PHACTR2: variants seen among roughly 807,000 people sequenced by gnomAD.
PHACTR2 encodes the protein chromosome 6 open reading frame 56.
PHACTR2 carries 30 observed loss-of-function variants against 76.0 expected under a neutral mutation model. The ratio of observed to expected loss-of-function variants is 0.39; its 90% CI spans 0.30 to 0.54. The LOEUF (loss-of-function observed/expected upper bound fraction) is 0.54. PHACTR2 is among the 20% of genes least tolerant of loss of function. The pLI, the probability that PHACTR2 is intolerant of heterozygous loss-of-function variation, is 0.61. For missense variants in PHACTR2, 696 were observed against 781.1 expected (o/e 0.89, Z 1.30); for synonymous variants, 292 against 292.5 (o/e 1.00, Z 0.02).
chr6:143,678,008 C>A lies in PHACTR2; in HGVS notation c.-156C>A. 2 of 1,467,444 alleles carry A rather than the reference C, an allele frequency of 1.4e-6. No individual in the cohort carries two copies. Among genetic ancestry groups the A allele is most frequent in the Non-Finnish European group, 1.8e-6 (2 of 1,105,296 alleles). 90.9% of individuals were successfully genotyped at this position (1,467,444 alleles called of 1,614,324 possible). A position where few individuals can be genotyped will look rare whatever the true frequency, so the allele number is the denominator to read the frequency against. ...GCCGCGCCGGCTGCGGCCGGCCGGG[C>A]TGGGAGACCCGCGCGGGGTAGAAGG... On this transcript the variant is annotated 5_prime_UTR_variant, in exon 1 of 13. It adds an upstream start codon to the 5' untranslated region. Coordinates refer to ENST00000440869, the MANE Select transcript of PHACTR2 (RefSeq NM_001100164.2). The surrounding 1 kb of genome is among the most constrained non-coding windows in gnomAD (Gnocchi z 6.2).
rs1226148326 is a variant in PHACTR2, at chr6:143,761,416, T to C, written c.694+776T>C. Among the ~76,000 whole-genome samples, 1 of 152,128 alleles carries C rather than the reference T, an allele frequency of 6.6e-6. No homozygotes were observed. The highest frequency in any genetic ancestry group is 1.5e-5 in the Non-Finnish European group (1 of 68,028). ...AAAGTGGAAACTCCCATTTTTTTAG[T>C]GAAGAGGAAGAAAGATGCCTACCAT... On this transcript the variant is annotated intron_variant, in intron 5 of 12. Coordinates refer to ENST00000440869, the MANE Select transcript of PHACTR2 (RefSeq NM_001100164.2). The surrounding 1 kb of genome is among the most constrained non-coding windows in gnomAD (Gnocchi z 5.2).
rs1225779654 is a variant in PHACTR2 at position 143,738,782 on chromosome 6, G to GAAAA, written c.215-10202_215-10199dup. The stretch of plus-strand genomic sequence containing the variant: ...AAAAAAAAAGAAAGAAAGAAAGAAA[G>GAAAA]AAAATTAAATGAATGGAAATGTCTT... On this transcript the variant is annotated intron_variant, in intron 2 of 12. Transcript: ENST00000440869. This position sits in a 1 kb window ranked among gnomAD's most constrained non-coding sequence, Gnocchi z 4.0. 1.4e-4 allele frequency among the ~76,000 whole-genome samples: 22 copies of GAAAA among 151,848 alleles called. No homozygotes were observed. The highest frequency in any genetic ancestry group is 5.1e-4 in the African/African-American group (21 of 41,342).
chr6:143,812,647 A>T (rs1776203800), intron 12 of PHACTR2, among the ~76,000 whole-genome samples: 2 of 152,246 alleles, frequency 1.3e-5, no homozygotes, highest in African/African-American at 2.4e-5. Flanking sequence ...TGGTCCCCAC[A>T]AGAAGTCATC....
At position 143,617,218 on chromosome 6, in the gene PHACTR2, G is replaced by A. The variant is rs906287919; in HGVS notation, c.13+8896G>A. On this transcript the variant is annotated intron_variant, in intron 1 of 11. Transcript: ENST00000305766. The surrounding 1 kb of genome is among the most constrained non-coding windows in gnomAD (Gnocchi z 4.8). ...CCCAGCACATATCCCATCTTACAACGTCTTCCCAACTGGTCTCCAAGCCCT... is the reference window on the plus strand; with the variant it reads ...CCCAGCACATATCCCATCTTACAACATCTTCCCAACTGGTCTCCAAGCCCT... Among the ~76,000 whole-genome samples, 3 of 152,272 alleles carry A rather than the reference G, an allele frequency of 2.0e-5. No individual in the cohort carries two copies. Among genetic ancestry groups the A allele is most frequent in the Middle Eastern group, 3.4e-3 (1 of 294 alleles).
Position 143,765,167 on chromosome 6 carries a change from C to T in PHACTR2, c.695-94C>T. The stretch of plus-strand genomic sequence containing the variant: ...TTTATTCAACAAACTTTAAAGGGAA[C>T]ATTTTAAATGTTGTTGACAGTTACA... On this transcript the variant is annotated intron_variant, in intron 5 of 12. Coordinates refer to ENST00000440869, the MANE Select transcript of PHACTR2 (RefSeq NM_001100164.2). The surrounding 1 kb of genome is among the most constrained non-coding windows in gnomAD (Gnocchi z 4.1). The T allele has an allele frequency of 1.0e-6, 1 of 961,320 alleles. No individual in the cohort carries two copies. The highest frequency in any genetic ancestry group is 2.3e-5 in the Admixed American group (1 of 43,386). The allele number at this position is 961,320 out of a possible 1,614,324, so 59.5% of individuals were successfully genotyped here.
rs1775246338 is a variant in PHACTR2, at chr6:143,775,275, C to A, written c.1589+1060C>A. Reference sequence around the variant, plus strand: ...ACCTCGGGGGAGGCTTAGAGGGTCTCTCTGTTCTGTAAACCCTCTTGCGAC... The same window carrying A: ...ACCTCGGGGGAGGCTTAGAGGGTCTATCTGTTCTGTAAACCCTCTTGCGAC... On this transcript the variant is annotated intron_variant, in intron 8 of 12. Transcript: ENST00000440869. The surrounding 1 kb of genome is among the most constrained non-coding windows in gnomAD (Gnocchi z 4.4). Among the ~76,000 whole-genome samples, 1 of 152,272 alleles carries A rather than the reference C, an allele frequency of 6.6e-6. No homozygotes were observed. The highest frequency in any genetic ancestry group is 2.4e-5 in the African/African-American group (1 of 41,550).
rs569307756 is a variant in PHACTR2 at position 143,688,390 on chromosome 6, C to T, written c.46+10181C>T. ...TAGGGTCTCACCCAACTCTCAACTCCCAGAGTTACCCAGTTTGTGTCTGCA... is the reference window on the plus strand; with the variant it reads ...TAGGGTCTCACCCAACTCTCAACTCTCAGAGTTACCCAGTTTGTGTCTGCA... On this transcript the variant is annotated intron_variant, in intron 1 of 12. Coordinates refer to ENST00000440869, the MANE Select transcript of PHACTR2 (RefSeq NM_001100164.2). This position sits in a 1 kb window ranked among gnomAD's most constrained non-coding sequence, Gnocchi z 5.2. 1.7e-4 allele frequency among the ~76,000 whole-genome samples: 26 copies of T among 152,016 alleles called. No homozygotes were observed. The highest frequency in any genetic ancestry group is 3.7e-4 in the Non-Finnish European group (25 of 68,010).
intron 6 of PHACTR2, among the ~76,000 whole-genome samples, chr6:143,769,621 G>T (rs1775043043): frequency 6.6e-6 from 1 of 152,022 alleles, no homozygotes; most frequent in African/African-American, 2.4e-5. Flanking sequence ...CTTGTAAATT[G>T]TAGATGTATG....
chr6:143,812,437 T>C (rs1776197084), intron 12 of PHACTR2, among the ~76,000 whole-genome samples: 4 of 152,248 alleles, frequency 2.6e-5, no homozygotes, highest in Non-Finnish European at 1.5e-5. Context: ...ATATTAATTG[T>C]GACACTTCCA....
rs1776890946 is a variant in PHACTR2 at position 143,658,572 on chromosome 6, T to C, written c.13+50250T>C. On this transcript the variant is annotated intron_variant, in intron 1 of 11. Coordinates refer to the PHACTR2 transcript ENST00000305766. This position sits in a 1 kb window ranked among gnomAD's most constrained non-coding sequence, Gnocchi z 4.1. ...CTACTATACAACCTAGGCTGTATGG[T>C]ATAGCTTATTTCTCCCAAGCTACAA... 6.6e-6 allele frequency among the ~76,000 whole-genome samples: 1 copy of C among 152,234 alleles called. No homozygotes were observed. Among genetic ancestry groups the C allele is most frequent in the Non-Finnish European group, 1.5e-5 (1 of 68,046 alleles).
Position 143,803,761 on chromosome 6 carries a change from A to G in PHACTR2, c.1846-3296A>G, listed in dbSNP as rs1367512397. On this transcript the variant is annotated intron_variant, in intron 11 of 12. Transcript: ENST00000440869. This position sits in a 1 kb window ranked among gnomAD's most constrained non-coding sequence, Gnocchi z 4.7. Reference sequence around the variant, plus strand: ...TAGAGAAATACTGTATTTTGTAAATAGGAATACCACTACTAAAACCATAAT... The same window carrying G: ...TAGAGAAATACTGTATTTTGTAAATGGGAATACCACTACTAAAACCATAAT... Among the ~76,000 whole-genome samples the G allele has an allele frequency of 1.3e-5, 2 of 152,234 alleles. No homozygotes were observed. Among genetic ancestry groups the G allele is most frequent in the Non-Finnish European group, 2.9e-5 (2 of 68,032 alleles).
At position 143,583,934 on chromosome 6, in the gene PHACTR2, T is replaced by C. The variant is rs192585712; in HGVS notation, c.217+46727T>C. ...TATTTATCTCTACACTTTTTCTTCC[T>C]AGCACTGTGTCTAGCACTCAGGATA... On this transcript the variant is annotated intron_variant, in intron 1 of 11. Coordinates refer to the PHACTR2 transcript ENST00000367584. This position sits in a 1 kb window ranked among gnomAD's most constrained non-coding sequence, Gnocchi z 4.0. Among the ~76,000 whole-genome samples the C allele has an allele frequency of 4.7e-4, 72 of 152,348 alleles. No individual in the cohort carries two copies. The highest frequency in any genetic ancestry group is 7.8e-4 in the Admixed American group (12 of 15,304).
At position 143,803,318 on chromosome 6, in the gene PHACTR2, T is replaced by C. The variant is rs1776001769; in HGVS notation, c.1846-3739T>C. 6.6e-6 allele frequency among the ~76,000 whole-genome samples: 1 copy of C among 152,064 alleles called. No individual in the cohort carries two copies. The highest frequency in any genetic ancestry group is 2.4e-5 in the African/African-American group (1 of 41,394). ...GTTCCAGCACTTTGGGAGGCCGAAGTGGGGAGATTGCTTGAGCCTAGGAGT... is the reference window on the plus strand; with the variant it reads ...GTTCCAGCACTTTGGGAGGCCGAAGCGGGGAGATTGCTTGAGCCTAGGAGT... On this transcript the variant is annotated intron_variant, in intron 11 of 12. Transcript: ENST00000440869. This position sits in a 1 kb window ranked among gnomAD's most constrained non-coding sequence, Gnocchi z 4.7.
In PHACTR2 at chr6:143,777,359, T is replaced by C; in HGVS notation, c.1621T>C (p.Leu541=). Residue 541 remains leucine (L), a synonymous_variant, in exon 9 of 13, where the codon TTA becomes CTA. Coordinates refer to ENST00000440869, the MANE Select transcript of PHACTR2 (RefSeq NM_001100164.2). The surrounding 1 kb of genome is among the most constrained non-coding windows in gnomAD (Gnocchi z 4.6). The part of the protein sequence containing the change: ...RLSQRPTTEE[L]EQRNILKQKN... Reference sequence around the variant, plus strand: ...GAGCCAGAGGCCCACAACTGAAGAATTAGAGCAAAGAAACATCCTAAAACG... The same window carrying C: ...GAGCCAGAGGCCCACAACTGAAGAACTAGAGCAAAGAAACATCCTAAAACG... The C allele has an allele frequency of 6.2e-7, 1 of 1,601,242 alleles. No individual in the cohort carries two copies. The highest frequency in any genetic ancestry group is 8.5e-7 in the Non-Finnish European group (1 of 1,169,754).
chr6:143,662,876 CT>C lies in PHACTR2; in HGVS notation c.14-49139del, dbSNP rs1360425712. On this transcript the variant is annotated intron_variant, in intron 1 of 11. Transcript: ENST00000305766. The surrounding 1 kb of genome is among the most constrained non-coding windows in gnomAD (Gnocchi z 4.7). ...CAACCCACATTCTTCTCCTTTCCCCCTATAGTACACAGTGTCTATTGTTCTC... is the reference window on the plus strand; with the variant it reads ...CAACCCACATTCTTCTCCTTTCCCCCATAGTACACAGTGTCTATTGTTCTC... 6.6e-6 allele frequency among the ~76,000 whole-genome samples: 1 copy of C among 152,108 alleles called. No individual in the cohort carries two copies. Among genetic ancestry groups the C allele is most frequent in the South Asian group, 2.1e-4 (1 of 4,824 alleles).
chr6:143,600,248 T>C (rs575698437), intron 1 of PHACTR2, among the ~76,000 whole-genome samples: 3 of 152,260 alleles, frequency 2.0e-5, no homozygotes, highest in Non-Finnish European at 4.4e-5. Context: ...GCAGCTTCTC[T>C]GAACCAGTTT....
intron 1 of PHACTR2, among the ~76,000 whole-genome samples, chr6:143,687,828 A>G (rs1346100174): frequency 6.6e-6 from 1 of 152,180 alleles, no homozygotes; most frequent in Admixed American, 6.5e-5. Flanking sequence ...CTTGGCAGGT[A>G]TAGTCCTACA....
Position 143,611,630 on chromosome 6 carries a change from A to G in PHACTR2, c.13+3308A>G, listed in dbSNP as rs1775975976. Among the ~76,000 whole-genome samples, 1 of 152,248 alleles carries G rather than the reference A, an allele frequency of 6.6e-6. No homozygotes were observed. The highest frequency in any genetic ancestry group is 1.5e-5 in the Non-Finnish European group (1 of 68,046). ...ATAACTCCTGTAAAGCTTTTGGTAC[A>G]ATGGCTGGCATATGGCAGCATACAA... On this transcript the variant is annotated intron_variant, in intron 1 of 11. Coordinates refer to the PHACTR2 transcript ENST00000305766. The surrounding 1 kb of genome is among the most constrained non-coding windows in gnomAD (Gnocchi z 4.4).
chr6:143,701,786 A>AG (rs1777918745), intron 1 of PHACTR2, among the ~76,000 whole-genome samples: 1 of 152,236 alleles, frequency 6.6e-6, no homozygotes, highest in South Asian at 2.1e-4. Flanking sequence ...GTATTGATAA[A>AG]GCACTTAGAA....
Sources: gnomAD v4.1 joint callset for allele counts (sites outside exome capture counted in the v4.1 genomes callset) on GRCh38, gnomAD v4.1.1 for gene constraint, Gnocchi (gnomAD v3.1) non-coding constraint, MANE v1.5 for transcripts, NCBI Gene and HGNC (gene_info 2026-07-23, HGNC 2026-07-21) for gene names.